Variants in PRKDC observed in about 807,000 individuals in gnomAD.
The protein encoded by PRKDC is DNA-dependent protein kinase catalytic subunit.
In PRKDC, 82 loss-of-function variants were observed where a neutral mutation model predicts 486.9. That is an observed-to-expected ratio of 0.17 (90% CI 0.14 to 0.20). The LOEUF is 0.20. PRKDC is among the 10% of genes least tolerant of loss of function. PRKDC has a pLI of 1.00. For missense variants in PRKDC, 4,504 were observed against 5,038.2 expected (o/e 0.89, Z 3.21); for synonymous variants, 1,895 against 1,837.0 (o/e 1.03, Z -0.81).
chr8:47,906,598 A>G (rs1329792845), intron 25 of PRKDC, among the ~76,000 whole-genome samples: 1 of 150,292 alleles, frequency 6.7e-6, no homozygotes, highest in Non-Finnish European at 1.5e-5. Flanking sequence ...GTCCCACTGC[A>G]CTCCAGACAC....
At chr8:47,944,887 T>C (rs186349457) in intron 7 of PRKDC, among the ~76,000 whole-genome samples, 1 of 152,070 alleles carries the variant, frequency 6.6e-6, no homozygotes, top group Non-Finnish European at 1.5e-5. Context: ...CAGAGAAACA[T>C]CTGTATGGTT....
chr8:47,858,815 T>C (rs377447472), intron 47 of PRKDC, 34 bp downstream of exon 47: 43 of 1,594,784 alleles, frequency 2.7e-5, no homozygotes, highest in South Asian at 4.5e-5. Context: ...CCAATGAATA[T>C]AGTATTAACA....
intron 55 of PRKDC, among the ~76,000 whole-genome samples, chr8:47,839,593 T>C (rs1589733682): frequency 1.3e-5 from 2 of 152,356 alleles, no homozygotes; most frequent in African/African-American, 2.4e-5. Flanking sequence ...ATAGGTTTTA[T>C]AAGCACAACA....
intron 18 of PRKDC, 41 bp downstream of exon 18, chr8:47,929,812 T>TA (rs777750891): frequency 6.4e-6 from 10 of 1,556,416 alleles, no homozygotes; most frequent in African/African-American, 1.4e-5. Context: ...ACTCATGACC[T>TA]AAAAAAACGC....
chr8:47,831,148 G>A (rs547848510), intron 60 of PRKDC, among the ~76,000 whole-genome samples: 1 of 152,244 alleles, frequency 6.6e-6, no homozygotes, highest in East Asian at 2.0e-4. Context: ...CCCTCCGAGG[G>A]GGCAAAACAG....
At chr8:47,783,186 G>A (rs1385743093) in intron 78 of PRKDC, among the ~76,000 whole-genome samples, 2 of 150,634 alleles carry the variant, frequency 1.3e-5, no homozygotes, top group East Asian at 2.0e-4. Flanking sequence ...CTGAGACATG[G>A]AGAATCGCCC....
At chr8:47,814,884 C>G (rs189558229) in intron 68 of PRKDC, among the ~76,000 whole-genome samples, 2 of 152,130 alleles carry the variant, frequency 1.3e-5, no homozygotes, top group African/African-American at 4.8e-5. Context: ...AAAGTTGAGC[C>G]AGGTGCCATG....
In PRKDC at chr8:47,954,340, G is replaced by A; in HGVS notation, c.506C>T (p.Thr169Ile). The A allele has an allele frequency of 1.6e-6, 2 of 1,215,246 alleles. No homozygotes were observed. The highest frequency in any genetic ancestry group is 1.1e-6 in the Non-Finnish European group (1 of 884,208). The allele number at this position is 1,215,246 out of a possible 1,614,324, so 75.3% of individuals were successfully genotyped here. ...AATAACATGTAAATGCATCTCACCT[G>A]TATCTGGTATTTTTTTTTTCAATGC... ...ELALKKKIPD[T>I]VLEKVYELLG... The change falls in exon 5 of 86, where the codon ACA becomes ATA. Residue 169 changes from threonine to isoleucine, a missense_variant and splice_region_variant. Physicochemically the swap from Thr to Ile is moderately conservative, Grantham distance 89. Around this residue, in one of 6 missense-constraint regions of PRKDC, gnomAD observed 1,969 missense variants for 2,068.9 expected, o/e 0.95. Transcript: ENST00000314191.
At chr8:47,796,935 T>A (rs559579008) in intron 73 of PRKDC, among the ~76,000 whole-genome samples, 1 of 152,228 alleles carries the variant, frequency 6.6e-6, no homozygotes, top group Non-Finnish European at 1.5e-5. Context: ...TTTTTCTGTA[T>A]AGAAGTCAAA....
intron 54 of PRKDC, among the ~76,000 whole-genome samples, chr8:47,840,393 G>C (rs542254078): frequency 6.6e-6 from 1 of 152,204 alleles, no homozygotes; most frequent in Non-Finnish European, 1.5e-5. Context: ...CCCTACACTG[G>C]ATCCTGAAAT....
At chr8:47,959,879 G>A (rs1285941487) in intron 1 of PRKDC, 94 bp downstream of exon 1, 6 of 1,474,866 alleles carry the variant, frequency 4.1e-6, no homozygotes, top group South Asian at 1.3e-5. Flanking sequence ...TCAAAATACC[G>A]TCATCTAAAC....
chr8:47,899,908 T>C (rs867721282), intron 28 of PRKDC, among the ~76,000 whole-genome samples: 1 of 152,242 alleles, frequency 6.6e-6, no homozygotes, highest in Admixed American at 6.5e-5. Flanking sequence ...ATCTTTATAA[T>C]ATTCCTTCAT....
At chr8:47,819,194 A>G (rs1314935096) in intron 67 of PRKDC, among the ~76,000 whole-genome samples, 2 of 152,150 alleles carry the variant, frequency 1.3e-5, no homozygotes, top group African/African-American at 4.8e-5. Context: ...GTTTTCTTTC[A>G]CTTTGCAGCC....
chr8:47,891,751 A>AT (rs1342153442), intron 31 of PRKDC, among the ~76,000 whole-genome samples: 12 of 152,158 alleles, frequency 7.9e-5, no homozygotes, highest in Admixed American at 2.0e-4. Context: ...CAAAAACCAA[A>AT]TATCCTTGAA....
intron 67 of PRKDC, 91 bp from the exon 68 acceptor site, chr8:47,817,652 T>G (rs930590027): frequency 2.5e-6 from 2 of 788,298 alleles, no homozygotes; most frequent in Non-Finnish European, 4.0e-6. Context: ...AAATTCAAAC[T>G]TCCTGCCCAA....
chr8:47,883,928 G>T (rs531895221), intron 36 of PRKDC, among the ~76,000 whole-genome samples: 1 of 152,362 alleles, frequency 6.6e-6, no homozygotes, highest in East Asian at 1.9e-4. Flanking sequence ...TGCAGGGCTC[G>T]CTGGTGGGGA....
intron 1 of PRKDC, among the ~76,000 whole-genome samples, chr8:47,958,109 C>T (rs930894981): frequency 2.2e-4 from 33 of 152,140 alleles, no homozygotes; most frequent in Non-Finnish European, 8.8e-5. Context: ...CACACAGGCC[C>T]TTAAAGTAAG....
chr8:47,901,052 G>A (rs1019652242), intron 27 of PRKDC, among the ~76,000 whole-genome samples: 2 of 151,594 alleles, frequency 1.3e-5, no homozygotes, highest in Non-Finnish European at 2.9e-5. Context: ...TACCTGGGAG[G>A]CTGAGGCAGG....
chr8:47,936,073 AC>A (rs56163413), intron 12 of PRKDC, among the ~76,000 whole-genome samples, 173 bp from the exon 13 acceptor site: 1 of 142,242 alleles, frequency 7.0e-6, no homozygotes, highest in African/African-American at 3.1e-5. Flanking sequence ...TAAAAAAAAA[AC>A]ACACACTCAG....
Sources: gnomAD v4.1 joint callset for allele counts (sites outside exome capture counted in the v4.1 genomes callset) on GRCh38, gnomAD v4.1.1 for gene constraint, gnomAD v4.1.1 regional missense constraint, MANE v1.5 for transcripts, NCBI Gene and HGNC (gene_info 2026-07-23, HGNC 2026-07-21) for gene names.